The following RPS6KA6 variants were observed in gnomAD, a reference collection of about 807,000 sequenced individuals.
RPS6KA6 encodes the protein ribosomal protein S6 kinase alpha-6.
A neutral mutation model predicts 65.4 loss-of-function variants in RPS6KA6; 27 were observed. The observed-to-expected ratio is 0.41, with a 90% CI of 0.30 to 0.57. The LOEUF is 0.57. Ranked by LOEUF, RPS6KA6 falls within the 20% of genes least tolerant of loss-of-function variation. The pLI is 0.24. For synonymous variants in RPS6KA6, 190 were observed against 184.2 expected, an observed-to-expected ratio of 1.03 and a Z score of -0.26; for missense variants, 486 against 555.6, an observed-to-expected ratio of 0.87 and a Z score of 1.26.
intron 1 of RPS6KA6, among the ~76,000 whole-genome samples, chrX:84,171,265 C>A (rs980575343): frequency 9.0e-6 from 1 of 111,212 alleles, no homozygotes; most frequent in African/African-American, 3.3e-5. Flanking sequence ...TCTAGTTGAG[C>A]CAAGCCCAGA....
At chrX:84,086,291 A>C (rs1049871603) in intron 20 of RPS6KA6, among the ~76,000 whole-genome samples, 1 of 111,293 alleles carries the variant, frequency 9.0e-6, no homozygotes, top group Non-Finnish European at 1.9e-5. Context: ...TGATGTGGAC[A>C]TTTTGTGCTA....
intron 8 of RPS6KA6, among the ~76,000 whole-genome samples, chrX:84,130,161 A>T (rs777431608): frequency 1.8e-5 from 2 of 111,404 alleles, no homozygotes; most frequent in Non-Finnish European, 3.8e-5. Flanking sequence ...ATTTTAAAAA[A>T]TATAAAACAT....
chrX:84,082,712 G>A (rs1300750738), intron 20 of RPS6KA6, among the ~76,000 whole-genome samples: 1 of 111,819 alleles, frequency 8.9e-6, no homozygotes, highest in Non-Finnish European at 1.9e-5. Flanking sequence ...CAAGGCTACA[G>A]TAACCAAAAC....
intron 6 of RPS6KA6, among the ~76,000 whole-genome samples, chrX:84,143,838 A>C (rs1183740357): frequency 1.8e-5 from 2 of 111,611 alleles, no homozygotes; most frequent in Middle Eastern, 4.2e-3. Flanking sequence ...AAGATAGACA[A>C]ATGGATCAAT....
At chrX:84,125,832 C>T (rs999009834) in intron 8 of RPS6KA6, among the ~76,000 whole-genome samples, 27 of 109,660 alleles carry the variant, frequency 2.5e-4, no homozygotes, top group Non-Finnish European at 4.0e-4. Context: ...CCAGCCTGGG[C>T]GACAGAGCAA....
In RPS6KA6 at chrX:84,062,009, G is replaced by A. The variant is rs184568396; in HGVS notation, c.*2268C>T. The A allele has an allele frequency of 9.0e-6, 1 of 111,335 alleles. No homozygotes were observed. Among genetic ancestry groups the A allele is most frequent in the East Asian group, 2.8e-4 (1 of 3,519 alleles). The allele number at this position is 111,335 out of a possible 1,213,427, so 9.2% of individuals were successfully genotyped here. A position where few individuals can be genotyped will look rare whatever the true frequency, so the allele number is the denominator to read the frequency against. On this transcript the variant is annotated 3_prime_UTR_variant, in exon 22 of 22. Transcript: ENST00000262752. Reference sequence around the variant, plus strand: ...GGTTGCCCCCTACTACTGTGGTTAAGCTAGCATATTTGAGTTTTTCACTAG... The same window carrying A: ...GGTTGCCCCCTACTACTGTGGTTAAACTAGCATATTTGAGTTTTTCACTAG...
intron 3 of RPS6KA6, among the ~76,000 whole-genome samples, chrX:84,154,982 T>C (rs1426754990): frequency 3.6e-5 from 4 of 111,445 alleles, no homozygotes; most frequent in African/African-American, 1.3e-4. Context: ...GGAAGATCAC[T>C]TAAGGCTAGG....
At chrX:84,129,206 A>C (rs149990254) in intron 8 of RPS6KA6, among the ~76,000 whole-genome samples, 142 of 111,773 alleles carry the variant, frequency 1.3e-3, no homozygotes, top group Middle Eastern at 4.7e-3. Flanking sequence ...AAAATCCTCA[A>C]AAGAAAGCAT....
chrX:84,066,332 C>T (rs1311531905), intron 20 of RPS6KA6, among the ~76,000 whole-genome samples: 1 of 107,153 alleles, frequency 9.3e-6, no homozygotes, highest in African/African-American at 3.4e-5. Flanking sequence ...CCCACTCCCA[C>T]GGAGTCCAGC....
At chrX:84,118,452 T>C (rs996480911) in intron 9 of RPS6KA6, among the ~76,000 whole-genome samples, 3 of 111,328 alleles carry the variant, frequency 2.7e-5, no homozygotes, top group African/African-American at 9.8e-5. Context: ...AATATATACG[T>C]ATTAAGGTCT....
intron 6 of RPS6KA6, among the ~76,000 whole-genome samples, chrX:84,135,596 A>G (rs1489713034): frequency 1.8e-5 from 2 of 111,464 alleles, no homozygotes; most frequent in Admixed American, 1.9e-4. Flanking sequence ...TATTTGAAAT[A>G]TAGAAGTTAT....
chrX:84,152,344 C>T (rs980696741), intron 3 of RPS6KA6, among the ~76,000 whole-genome samples: 2 of 110,503 alleles, frequency 1.8e-5, no homozygotes, highest in Non-Finnish European at 3.8e-5. Flanking sequence ...TCTCAACCTT[C>T]CCAAGGCTAT....
intron 15 of RPS6KA6, 133 bp downstream of exon 15, chrX:84,106,232 T>A (rs2034357115): frequency 1.8e-6 from 1 of 559,895 alleles, no homozygotes; most frequent in African/African-American, 2.4e-5. Flanking sequence ...ATGAAAATAT[T>A]AAGTCTCAGA....
intron 18 of RPS6KA6, among the ~76,000 whole-genome samples, chrX:84,099,661 C>A (rs547251566): frequency 1.8e-5 from 2 of 111,409 alleles, no homozygotes; most frequent in Admixed American, 9.5e-5. Flanking sequence ...TCAGGAACTT[C>A]TTTAACCTCA....
At chrX:84,123,822 G>A (rs2034724187) in intron 8 of RPS6KA6, among the ~76,000 whole-genome samples, 1 of 111,723 alleles carries the variant, frequency 9.0e-6, no homozygotes, top group East Asian at 2.8e-4. Flanking sequence ...TGACTGTAGA[G>A]CACTATGGCC....
chrX:84,186,705 G>C (rs1029350495), intron 1 of RPS6KA6: 1 of 110,678 alleles, frequency 9.0e-6, no homozygotes, highest in Non-Finnish European at 1.9e-5. Context: ...TTTTTAAATG[G>C]AGCAAGTACT....
intron 8 of RPS6KA6, among the ~76,000 whole-genome samples, chrX:84,130,899 G>A (rs534274593): frequency 4.5e-5 from 5 of 111,706 alleles, no homozygotes; most frequent in Middle Eastern, 9.2e-3. Flanking sequence ...TTATGGAACT[G>A]TTTCATATTT....
intron 20 of RPS6KA6, among the ~76,000 whole-genome samples, chrX:84,083,038 C>A (rs893537911): frequency 2.7e-5 from 3 of 111,994 alleles, no homozygotes; most frequent in Non-Finnish European, 1.9e-5. Context: ...TAGGCATGGG[C>A]AACTACTTCA....
intron 20 of RPS6KA6, among the ~76,000 whole-genome samples, chrX:84,071,928 T>C (rs2033552213): frequency 9.0e-6 from 1 of 111,723 alleles, no homozygotes; most frequent in Non-Finnish European, 1.9e-5. Context: ...AGTAACAGGA[T>C]TAAATCAGTT....
Sources: allele counts gnomAD v4.1 joint callset (sites outside exome capture counted in the v4.1 genomes callset), GRCh38; gene constraint gnomAD v4.1.1; transcripts MANE v1.5; gene names NCBI Gene and HGNC (gene_info 2026-07-23, HGNC 2026-07-21).